Variants in FBRSL1 observed in about 807,000 individuals in gnomAD.
FBRSL1 encodes the protein fibrosin-1-like protein.
A neutral mutation model predicts 89.6 loss-of-function variants in FBRSL1; 51 were observed. The ratio of observed to expected loss-of-function variants is 0.57; its 90% CI spans 0.45 to 0.72. The LOEUF (loss-of-function observed/expected upper bound fraction) is 0.72. Ranked by LOEUF, FBRSL1 falls within the 30% of genes least tolerant of loss-of-function variation. The pLI, the probability that FBRSL1 is intolerant of heterozygous loss-of-function variation, is 0.00. For missense variants in FBRSL1, 1,618 were observed against 1,451.8 expected (o/e 1.11, Z -1.86); for synonymous variants, 779 against 681.1 (o/e 1.14, Z -2.24).
intron 3 of FBRSL1, among the ~76,000 whole-genome samples, chr12:132,527,462 C>T (rs999785099): frequency 6.6e-6 from 1 of 152,228 alleles, no homozygotes; most frequent in Non-Finnish European, 1.5e-5. Context: ...GAGGACCCCA[C>T]CACGACGCCT....
At position 132,496,867 on chromosome 12, in the gene FBRSL1, G is replaced by A. The variant is rs561458257; in HGVS notation, c.291+6006G>A. Among the ~76,000 whole-genome samples, 9 of 122,826 alleles carry A rather than the reference G, an allele frequency of 7.3e-5. No individual in the cohort carries two copies. The East Asian group carries it at 1.1e-3, about 15-fold the overall frequency. 80.6% of individuals were successfully genotyped at this position (122,826 alleles called of 152,430 possible). A position where few individuals can be genotyped will look rare whatever the true frequency, so the allele number is the denominator to read the frequency against. Reference sequence around the variant, plus strand: ...CGGTGTCCTGTGTTGCGCGGGGCGCGTCTCTGGTCCAGCATCGGGTAGGGG... The same window carrying A: ...CGGTGTCCTGTGTTGCGCGGGGCGCATCTCTGGTCCAGCATCGGGTAGGGG... On this transcript the variant is annotated intron_variant, in intron 1 of 18. Coordinates refer to ENST00000680143, the MANE Select transcript of FBRSL1 (RefSeq NM_001367871.1).
intron 2 of FBRSL1, among the ~76,000 whole-genome samples, chr12:132,508,607 C>T (rs575571629): frequency 2.8e-4 from 43 of 152,328 alleles, no homozygotes; most frequent in African/African-American, 9.4e-4. Flanking sequence ...CAGCAAGGCG[C>T]GCGTTCCGGG....
chr12:132,521,892 G>A (rs879261766), intron 2 of FBRSL1, among the ~76,000 whole-genome samples: 1 of 152,244 alleles, frequency 6.6e-6, no homozygotes, highest in Non-Finnish European at 1.5e-5. Context: ...CGGGGCCTGC[G>A]CAGGACAGTG....
At chr12:132,523,115 T>C (rs2035504439) in intron 2 of FBRSL1, among the ~76,000 whole-genome samples, 1 of 152,076 alleles carries the variant, frequency 6.6e-6, no homozygotes, top group Non-Finnish European at 1.5e-5. Flanking sequence ...GCCCCAGACG[T>C]GGACTTGTCA....
At chr12:132,493,071 C>A (rs1445818020) in intron 1 of FBRSL1, among the ~76,000 whole-genome samples, 1 of 152,260 alleles carries the variant, frequency 6.6e-6, no homozygotes, top group African/African-American at 2.4e-5. Context: ...CCCCATTCCA[C>A]AGATGGGGAC....
At chr12:132,510,312 C>G in intron 2 of FBRSL1, 2 of 1,230,634 alleles carry the variant, frequency 1.6e-6, no homozygotes, top group Non-Finnish European at 2.0e-6. Flanking sequence ...CCTATTGGAT[C>G]TGGTGCCGGC....
chr12:132,557,695 G>A (rs533740320), intron 5 of FBRSL1, among the ~76,000 whole-genome samples: 12 of 152,214 alleles, frequency 7.9e-5, no homozygotes, highest in African/African-American at 1.2e-4. Flanking sequence ...GAGACTGGCC[G>A]TAGCCCAATT....
chr12:132,565,245 C>G (rs1279602538), intron 5 of FBRSL1: 1 of 152,258 alleles, frequency 6.6e-6, no homozygotes, highest in African/African-American at 2.4e-5. Context: ...TTTATACAAA[C>G]TTAAAAGTAT....
intron 4 of FBRSL1, among the ~76,000 whole-genome samples, chr12:132,542,992 G>A (rs1197914222): frequency 6.6e-6 from 1 of 152,168 alleles, no homozygotes; most frequent in Non-Finnish European, 1.5e-5. Flanking sequence ...TGGAAGGGGT[G>A]CAGGGAGGCC....
intron 1 of FBRSL1, among the ~76,000 whole-genome samples, chr12:132,503,740 G>A (rs980421169): frequency 2.6e-5 from 4 of 152,210 alleles, no homozygotes; most frequent in African/African-American, 9.7e-5. Context: ...AGATTTTCAG[G>A]TGCTCTGCAG....
intron 4 of FBRSL1, among the ~76,000 whole-genome samples, chr12:132,530,561 C>A (rs1463645790): frequency 1.3e-5 from 2 of 152,036 alleles, no homozygotes; most frequent in Non-Finnish European, 2.9e-5. Context: ...TGCCCTGAGC[C>A]ACTGGGTGCC....
intron 2 of FBRSL1, chr12:132,510,017 A>T (rs2136617630): frequency 1.6e-6 from 2 of 1,231,496 alleles, no homozygotes; most frequent in Non-Finnish European, 2.0e-6. Context: ...CCCAGCGGTT[A>T]GTGGAAGCCC....
In FBRSL1 at chr12:132,568,963, C is replaced by T. The variant is rs748976014; in HGVS notation, c.692-963C>T. Among the ~76,000 whole-genome samples, 159 of 152,144 alleles carry T rather than the reference C, an allele frequency of 1.0e-3. 4 individuals are homozygous for T. The highest frequency in any genetic ancestry group is 1.5e-3 in the Non-Finnish European group (101 of 67,976). On this transcript the variant is annotated intron_variant, in intron 6 of 18. Transcript: ENST00000680143. The stretch of plus-strand genomic sequence containing the variant: ...TGGGGCAGGGACGGCCGCAGCTGTC[C>T]CCATGGGCCATGGCTCACTGTCCCA...
rs188017926 is a variant in FBRSL1, at chr12:132,580,692, G to A, written c.1835-747G>A. 3.7e-5 allele frequency: 30 copies of A among 818,276 alleles called. No individual in the cohort carries two copies. In the African/African-American group the frequency reaches 4.4e-4, roughly 12 times the overall value. The allele number at this position is 818,276 out of a possible 1,614,324, so 50.7% of individuals were successfully genotyped here. A position where few individuals can be genotyped will look rare whatever the true frequency, so the allele number is the denominator to read the frequency against. ...AGAAGCTCTGAATACAACTTGCCGCGTCCTACATGGGAGGCATGAGCACCC... is the reference window on the plus strand; with the variant it reads ...AGAAGCTCTGAATACAACTTGCCGCATCCTACATGGGAGGCATGAGCACCC... On this transcript the variant is annotated intron_variant, in intron 15 of 18. Transcript: ENST00000680143.
intron 1 of FBRSL1, among the ~76,000 whole-genome samples, chr12:132,491,102 CA>C (rs917092045): frequency 2.6e-5 from 4 of 152,126 alleles, no homozygotes; most frequent in Non-Finnish European, 4.4e-5. Context: ...GTTGCAGAGG[CA>C]AAAAAATCTA....
intron 1 of FBRSL1, among the ~76,000 whole-genome samples, chr12:132,491,120 GA>G (rs1250630114): frequency 6.6e-6 from 1 of 152,210 alleles, no homozygotes; most frequent in East Asian, 1.9e-4. Flanking sequence ...TCTACGCTTC[GA>G]AATTGGGGGC....
At chr12:132,528,336 C>T (rs1032323696) in intron 4 of FBRSL1, among the ~76,000 whole-genome samples, 4 of 152,076 alleles carry the variant, frequency 2.6e-5, no homozygotes, top group Non-Finnish European at 2.9e-5. Flanking sequence ...TGCCGGGATC[C>T]GCGGGGCCAA....
chr12:132,525,674 C>A, intron 2 of FBRSL1, 60 bp from the exon 3 acceptor site: 2 of 1,410,684 alleles, frequency 1.4e-6, no homozygotes, highest in Non-Finnish European at 9.8e-7. Flanking sequence ...AGCCAGGGGG[C>A]CCCGATGCGG....
intron 17 of FBRSL1, 101 bp downstream of exon 17, chr12:132,581,925 C>A: frequency 7.5e-7 from 1 of 1,339,378 alleles, no homozygotes; most frequent in Non-Finnish European, 1.0e-6. Flanking sequence ...CCTCCCTCCT[C>A]TCTGGGCTGG....
Sources: allele counts gnomAD v4.1 joint callset (sites outside exome capture counted in the v4.1 genomes callset), GRCh38; gene constraint gnomAD v4.1.1; transcripts MANE v1.5; gene names NCBI Gene and HGNC (gene_info 2026-07-23, HGNC 2026-07-21).